The following ZNF714 variants were observed in gnomAD, a reference collection of about 807,000 sequenced individuals.
ZNF714 encodes zinc finger protein 714.
A neutral mutation model predicts 46.2 loss-of-function variants in ZNF714; 32 were observed. That is an observed-to-expected ratio of 0.69 (90% CI 0.52 to 0.93). ZNF714 has a LOEUF of 0.93. Ranked by LOEUF, ZNF714 falls within the 40% of genes least tolerant of loss-of-function variation. ZNF714 has a pLI of 0.00. For synonymous variants in ZNF714, 199 were observed against 213.1 expected (o/e 0.93, Z 0.58); for missense variants, 635 against 646.3 (o/e 0.98, Z 0.19).
intron 1 of ZNF714, 71 bp downstream of exon 1, chr19:21,082,419 G>A (rs1463963225): frequency 1.1e-5 from 15 of 1,400,030 alleles, no homozygotes; most frequent in Admixed American, 1.8e-5. Flanking sequence ...AGTGGCTGTG[G>A]TGGGACTTAG....
Position 21,118,292 on chromosome 19 carries a change from A to C in ZNF714, c.1628A>C (p.Lys543Thr), listed in dbSNP as rs1327274869. 4.7e-5 allele frequency: 56 copies of C among 1,195,950 alleles called. No individual in the cohort carries two copies. The highest frequency in any genetic ancestry group is 5.9e-5 in the Non-Finnish European group (51 of 857,418). 74.1% of individuals were successfully genotyped at this position (1,195,950 alleles called of 1,614,324 possible). Residue 543 changes from lysine (K) to threonine (T), a missense_variant, in exon 5 of 5, where the codon AAA becomes ACA. Transcript: ENST00000456283. Reference protein sequence around the residue: ...GQHGKTPSLLKIQKFAGCGGR... With the variant: ...GQHGKTPSLLTIQKFAGCGGR... ...CATGGTAAAACCCCATCTCTACTAA[A>C]AATACAAAAATTTGCTGGGTGTGGT...
At chr19:21,097,027 C>T (rs945995424) in intron 2 of ZNF714, among the ~76,000 whole-genome samples, 4 of 152,016 alleles carry the variant, frequency 2.6e-5, no homozygotes, top group Non-Finnish European at 5.9e-5. Flanking sequence ...CCACCACACC[C>T]GGCTAATTTT....
At chr19:21,106,642 C>T (rs542058408) in intron 4 of ZNF714, among the ~76,000 whole-genome samples, 230 of 151,514 alleles carry the variant, frequency 1.5e-3, no homozygotes, top group African/African-American at 5.1e-3. Context: ...TGTTGTTATC[C>T]AGTTTATGGC....
At chr19:21,096,342 A>G (rs1969039719) in intron 2 of ZNF714, among the ~76,000 whole-genome samples, 1 of 152,136 alleles carries the variant, frequency 6.6e-6, no homozygotes, top group East Asian at 1.9e-4. Flanking sequence ...CTCAAGATGC[A>G]GGTGTTACTT....
chr19:21,105,784 G>A (rs186677851), intron 4 of ZNF714, among the ~76,000 whole-genome samples: 2 of 151,490 alleles, frequency 1.3e-5, no homozygotes, highest in South Asian at 2.1e-4. Flanking sequence ...GTAAAACCCC[G>A]TCTCCACTAA....
Position 21,117,949 on chromosome 19 carries a change from G to A in ZNF714, c.1285G>A (p.Glu429Lys), listed in dbSNP as rs768534286. ...HTGEKLYKCE[E>K]CGKAFNRSSN... ...TGGAGAGAAACTCTACAAATGTGAA[G>A]AATGTGGCAAAGCTTTTAACCGATC... The change falls in exon 5 of 5, where the codon GAA becomes AAA. Residue 429 changes from glutamate (E) to lysine (K), a missense_variant. Coordinates refer to ENST00000456283, the MANE Select transcript of ZNF714 (RefSeq NM_182515.4). 3.7e-6 allele frequency: 6 copies of A among 1,613,006 alleles called. No homozygotes were observed. The South Asian group carries it at 5.5e-5, about 15-fold the overall frequency.
At chr19:21,112,614 C>T (rs1337566335) in intron 4 of ZNF714, among the ~76,000 whole-genome samples, 1 of 150,122 alleles carries the variant, frequency 6.7e-6, no homozygotes, top group African/African-American at 2.4e-5. Flanking sequence ...TTGTCTTCTG[C>T]TAGCTTTAAG....
At chr19:21,092,791 GTTC>G (rs1396053407) in intron 2 of ZNF714, among the ~76,000 whole-genome samples, 1 of 149,930 alleles carries the variant, frequency 6.7e-6, no homozygotes. Context: ...GTGTCCATGT[GTTC>G]TTATTATTTA....
At chr19:21,084,322 AG>A (rs1968726602) in intron 2 of ZNF714, among the ~76,000 whole-genome samples, 1 of 152,098 alleles carries the variant, frequency 6.6e-6, no homozygotes, top group African/African-American at 2.4e-5. Context: ...TTAGCACTTA[AG>A]TTTTCCCTTT....
intron 4 of ZNF714, among the ~76,000 whole-genome samples, chr19:21,114,715 C>T (rs1969549697): frequency 2.6e-5 from 4 of 152,098 alleles, no homozygotes; most frequent in Admixed American, 6.6e-5. Context: ...TTTGCAGAGT[C>T]GTTGATGTAG....
In ZNF714 at chr19:21,123,124, A is replaced by G. The variant is rs907137529; in HGVS notation, c.*4792A>G. Reference sequence around the variant, plus strand: ...AGCCGAAATTGCGCCATTGCACTCCAGCCTGGACAAGAGCAAAACTCTGTC... The same window carrying G: ...AGCCGAAATTGCGCCATTGCACTCCGGCCTGGACAAGAGCAAAACTCTGTC... On this transcript the variant is annotated 3_prime_UTR_variant, in exon 5 of 5. Coordinates refer to ENST00000456283, the MANE Select transcript of ZNF714 (RefSeq NM_182515.4). The G allele has an allele frequency of 7.3e-6, 1 of 137,156 alleles. No homozygotes were observed. Among genetic ancestry groups the G allele is most frequent in the Non-Finnish European group, 1.5e-5 (1 of 65,034 alleles). 8.5% of individuals were successfully genotyped at this position (137,156 alleles called of 1,614,324 possible).
At position 21,119,417 on chromosome 19, in the gene ZNF714, A is replaced by G. The variant is rs550390555; in HGVS notation, c.*1085A>G. The G allele has an allele frequency of 2.9e-5, 5 of 173,086 alleles. No individual in the cohort carries two copies. Among genetic ancestry groups the G allele is most frequent in the Admixed American group, 2.3e-4 (4 of 17,074 alleles). 10.7% of individuals were successfully genotyped at this position (173,086 alleles called of 1,614,324 possible). ...CTAAAAAGTAAAAAAAAAAGAAAAT[A>G]TGAACTTTACAGTGAAGAATATTTA... On this transcript the variant is annotated 3_prime_UTR_variant, in exon 5 of 5. Coordinates refer to ENST00000456283, the MANE Select transcript of ZNF714 (RefSeq NM_182515.4).
intron 4 of ZNF714, among the ~76,000 whole-genome samples, chr19:21,108,793 A>G (rs1969380632): frequency 6.6e-6 from 1 of 152,150 alleles, no homozygotes; most frequent in Non-Finnish European, 1.5e-5. Flanking sequence ...CTGTTTTCTT[A>G]TTGATCTTTT....
chr19:21,113,984 A>G (rs1268583819), intron 4 of ZNF714, among the ~76,000 whole-genome samples: 3 of 152,220 alleles, frequency 2.0e-5, no homozygotes, highest in African/African-American at 7.2e-5. Flanking sequence ...GGGGTGTTAA[A>G]GACTCTCACT....
intron 2 of ZNF714, among the ~76,000 whole-genome samples, chr19:21,089,616 C>T (rs1229556883): frequency 3.3e-5 from 5 of 152,180 alleles, no homozygotes; most frequent in Admixed American, 3.3e-4. Context: ...CAAGGTCAAG[C>T]GTCCAAGGAC....
chr19:21,082,534 C>G (rs1968677592), intron 1 of ZNF714, among the ~76,000 whole-genome samples, 186 bp downstream of exon 1: 1 of 148,698 alleles, frequency 6.7e-6, no homozygotes, highest in South Asian at 2.1e-4. Flanking sequence ...ACTGCGGGAT[C>G]CCGGGCGTCC....
At chr19:21,107,482 G>T (rs926292170) in intron 4 of ZNF714, among the ~76,000 whole-genome samples, 3 of 151,978 alleles carry the variant, frequency 2.0e-5, no homozygotes, top group Non-Finnish European at 4.4e-5. Flanking sequence ...CAGGTGATCC[G>T]CCCACCTTGG....
chr19:21,087,808 C>T (rs1008839675), intron 2 of ZNF714, among the ~76,000 whole-genome samples: 1 of 152,060 alleles, frequency 6.6e-6, no homozygotes, highest in Non-Finnish European at 1.5e-5. Context: ...CCTTTTAATC[C>T]AGGCAAAAAA....
In ZNF714 at chr19:21,125,026, G is replaced by A. The variant is rs953294412; in HGVS notation, c.*6694G>A. The A allele has an allele frequency of 5.5e-5, 8 of 145,638 alleles. No homozygotes were observed. Among genetic ancestry groups the A allele is most frequent in the African/African-American group, 2.1e-4 (8 of 38,942 alleles). 9.0% of individuals were successfully genotyped at this position (145,638 alleles called of 1,614,324 possible). A position where few individuals can be genotyped will look rare whatever the true frequency, so the allele number is the denominator to read the frequency against. ...GGAAGCCAGGGCAGGTGGATTGCTT[G>A]AGCCCAGGAGTTTGAGACCAGCCTG... On this transcript the variant is annotated 3_prime_UTR_variant, in exon 5 of 5. Coordinates refer to ENST00000456283, the MANE Select transcript of ZNF714 (RefSeq NM_182515.4).
Sources: gnomAD v4.1 joint callset for allele counts (sites outside exome capture counted in the v4.1 genomes callset) on GRCh38, gnomAD v4.1.1 for gene constraint, MANE v1.5 for transcripts, NCBI Gene and HGNC (gene_info 2026-07-23, HGNC 2026-07-21) for gene names.